Variants in VWC2L observed in about 807,000 individuals in gnomAD.
VWC2L encodes von Willebrand factor C domain containing 2 like, also known as von Willebrand factor C domain-containing protein 2-like.
VWC2L carries 10 observed loss-of-function variants against 21.6 expected under a neutral mutation model. That is an observed-to-expected ratio of 0.46 (90% CI 0.29 to 0.78). The LOEUF (loss-of-function observed/expected upper bound fraction) is 0.78. VWC2L is among the 30% of genes least tolerant of loss of function. The pLI is 0.10. For synonymous variants in VWC2L, 96 were observed against 94.3 expected, an observed-to-expected ratio of 1.02 and a Z score of -0.10; for missense variants, 209 against 277.1, an observed-to-expected ratio of 0.75 and a Z score of 1.74.
chr2:214,512,388 C>T (rs535517137), intron 3 of VWC2L, among the ~76,000 whole-genome samples: 4 of 152,148 alleles, frequency 2.6e-5, no homozygotes, highest in South Asian at 4.2e-4. Flanking sequence ...GGACAACACA[C>T]ACTGGGGCCT....
At chr2:214,551,504 CAGAG>C (rs770393507) in intron 3 of VWC2L, among the ~76,000 whole-genome samples, 3 of 152,206 alleles carry the variant, frequency 2.0e-5, no homozygotes, top group Non-Finnish European at 2.9e-5. Flanking sequence ...AAAAATTACT[CAGAG>C]AGAAATAATC....
In VWC2L at chr2:214,426,329, G is replaced by A. The variant is rs147133610; in HGVS notation, c.391-10300G>A. 7.0e-3 allele frequency among the ~76,000 whole-genome samples: 1,065 copies of A among 152,170 alleles called. 3 individuals carry two copies. The highest frequency in any genetic ancestry group is 0.011 in the Non-Finnish European group (734 of 68,006). ...TTATTCAGAGAAATGGTGTCAAGCC[G>A]AGTGACAAGATCAAAGGGTATACAG... On this transcript the variant is annotated intron_variant, in intron 2 of 3. Coordinates refer to ENST00000312504, the MANE Select transcript of VWC2L (RefSeq NM_001080500.4).
intron 3 of VWC2L, among the ~76,000 whole-genome samples, chr2:214,543,715 T>G (rs1207793143): frequency 1.3e-5 from 2 of 151,382 alleles, no homozygotes; most frequent in African/African-American, 4.8e-5. Flanking sequence ...TCAGCTTAAT[T>G]GAATAAACAA....
At chr2:214,493,836 T>C (rs4577276) in intron 3 of VWC2L, among the ~76,000 whole-genome samples, 42,082 of 151,934 alleles carry the variant, frequency 0.28, 5,922 homozygotes, top group African/African-American at 0.33. Context: ...ACAAAGGAGA[T>C]GCTGTGCAGA....
chr2:214,462,751 TTTC>T (rs1485417561), intron 3 of VWC2L, among the ~76,000 whole-genome samples: 2 of 152,156 alleles, frequency 1.3e-5, no homozygotes, highest in Non-Finnish European at 2.9e-5. Context: ...ACCTGAGACT[TTTC>T]TTGTTTTCTA....
chr2:214,551,837 G>T (rs1415148034), intron 3 of VWC2L, among the ~76,000 whole-genome samples: 1 of 152,180 alleles, frequency 6.6e-6, no homozygotes, highest in African/African-American at 2.4e-5. Flanking sequence ...CAGCCAAGCT[G>T]TCAGTGATAC....
intron 3 of VWC2L, among the ~76,000 whole-genome samples, chr2:214,508,079 C>T (rs1688993149): frequency 6.6e-6 from 1 of 152,104 alleles, no homozygotes; most frequent in African/African-American, 2.4e-5. Context: ...CGGGTTCACG[C>T]CATTCTCCTG....
chr2:214,516,913 A>C (rs1305148875), intron 3 of VWC2L, among the ~76,000 whole-genome samples: 1 of 152,234 alleles, frequency 6.6e-6, no homozygotes, highest in Non-Finnish European at 1.5e-5. Flanking sequence ...AGGGATTACA[A>C]GGATTAAATA....
chr2:214,432,961 G>T (rs915616196), intron 2 of VWC2L, among the ~76,000 whole-genome samples: 1 of 151,308 alleles, frequency 6.6e-6, no homozygotes, highest in Admixed American at 6.6e-5. Flanking sequence ...GGCAGAGGTT[G>T]CAGTAAGCCA....
At chr2:214,443,377 CA>C (rs1702790480) in intron 3 of VWC2L, among the ~76,000 whole-genome samples, 1 of 150,208 alleles carries the variant, frequency 6.7e-6, no homozygotes, top group Non-Finnish European at 1.5e-5. Flanking sequence ...ATCTCAAAAA[CA>C]AAAACAAAAA....
chr2:214,551,753 C>T (rs990306961), intron 3 of VWC2L, among the ~76,000 whole-genome samples: 1 of 152,236 alleles, frequency 6.6e-6, no homozygotes, highest in African/African-American at 2.4e-5. Flanking sequence ...CCTCCAATAC[C>T]AGCCTTTGGC....
At chr2:214,484,325 C>A (rs1362012787) in intron 3 of VWC2L, among the ~76,000 whole-genome samples, 3 of 152,148 alleles carry the variant, frequency 2.0e-5, no homozygotes, top group East Asian at 1.9e-4. Context: ...AGTCTGAATT[C>A]TTTCCCAAGA....
chr2:214,474,431 T>A (rs1688470099), intron 3 of VWC2L, among the ~76,000 whole-genome samples: 1 of 152,176 alleles, frequency 6.6e-6, no homozygotes, highest in Non-Finnish European at 1.5e-5. Context: ...CCCAGGTCTG[T>A]TGTGAGAGTT....
chr2:214,484,564 C>A (rs1688650413), intron 3 of VWC2L, among the ~76,000 whole-genome samples: 1 of 152,146 alleles, frequency 6.6e-6, no homozygotes, highest in South Asian at 2.1e-4. Flanking sequence ...TACGGCAGAA[C>A]AATGGAAAAT....
chr2:214,524,474 A>G (rs770369432), intron 3 of VWC2L, among the ~76,000 whole-genome samples: 12 of 152,194 alleles, frequency 7.9e-5, no homozygotes, highest in Non-Finnish European at 1.5e-4. Context: ...TTCTCTAAAA[A>G]TGAGGGGATT....
chr2:214,462,771 T>C (rs1703161269), intron 3 of VWC2L, among the ~76,000 whole-genome samples: 1 of 152,206 alleles, frequency 6.6e-6, no homozygotes, highest in African/African-American at 2.4e-5. Flanking sequence ...TCTAATACCG[T>C]AAGCTTTTCT....
rs180744228 is a variant in VWC2L, at chr2:214,438,944, C to G, written c.520+2186C>G. ...TATGAAATGGCCACTTCTGTTCCCT[C>G]TTGGTACTTCCAAACAAATTTTCTT... On this transcript the variant is annotated intron_variant, in intron 3 of 3. Coordinates refer to ENST00000312504, the MANE Select transcript of VWC2L (RefSeq NM_001080500.4). Among the ~76,000 whole-genome samples the G allele has an allele frequency of 8.5e-5, 13 of 152,116 alleles. No individual in the cohort carries two copies. The East Asian group carries it at 2.5e-3, about 29-fold the overall frequency.
intron 3 of VWC2L, among the ~76,000 whole-genome samples, chr2:214,453,741 G>A (rs1389042920): frequency 7.6e-6 from 1 of 130,952 alleles, no homozygotes; most frequent in African/African-American, 3.1e-5. Flanking sequence ...TTTTTTTTGA[G>A]ATGGAGTCTC....
intron 2 of VWC2L, among the ~76,000 whole-genome samples, chr2:214,422,621 A>C (rs1379660003): frequency 6.6e-6 from 1 of 151,442 alleles, no homozygotes; most frequent in African/African-American, 2.5e-5. Flanking sequence ...GAACTGGCTT[A>C]TTTTAGAGTC....
Sources: allele counts gnomAD v4.1 joint callset (sites outside exome capture counted in the v4.1 genomes callset), GRCh38; gene constraint gnomAD v4.1.1; transcripts MANE v1.5; gene names NCBI Gene and HGNC (gene_info 2026-07-23, HGNC 2026-07-21).